The following CASS4 variants were observed in gnomAD, a reference collection of about 807,000 sequenced individuals.
CASS4 encodes cas scaffolding protein family member 4.
CASS4 carries 22 observed loss-of-function variants against 54.2 expected under a neutral mutation model. That is an observed-to-expected ratio of 0.41 (90% CI 0.29 to 0.58). The LOEUF (loss-of-function observed/expected upper bound fraction) is 0.58, where lower values mean the gene tolerates loss of function less well. Ranked by LOEUF, CASS4 falls within the 20% of genes least tolerant of loss-of-function variation. The pLI is 0.36. For missense variants in CASS4, 854 were observed against 986.7 expected (o/e 0.87, Z 1.80); for synonymous variants, 409 against 391.5 (o/e 1.04, Z -0.53).
At chr20:56,424,538 C>T (rs1045898700) in intron 1 of CASS4, among the ~76,000 whole-genome samples, 1 of 151,848 alleles carries the variant, frequency 6.6e-6, no homozygotes, top group Non-Finnish European at 1.5e-5. Context: ...GTCAGGAGTT[C>T]GAGACCAGCC....
In CASS4 at chr20:56,458,713, AAC is replaced by A; in HGVS notation, c.2332_2333del (p.Thr778AlafsTer44). 1 of 1,610,934 alleles carries A rather than the reference AAC, an allele frequency of 6.2e-7. No homozygotes were observed. Among genetic ancestry groups the A allele is most frequent in the South Asian group, 1.1e-5 (1 of 90,824 alleles). ...CAGGCGGAGGCTGAGAAGCTGGAGC[AAC>A]ACACGCGGCAGTTCAGAGGGACACT... On this transcript the variant is annotated frameshift_variant, in exon 6 of 6. Transcript: ENST00000679887. LOFTEE classifies it high-confidence loss of function.
rs753507599 is a variant in CASS4 at position 56,445,989 on chromosome 20, C to T, written c.549C>T (p.Pro183=). Residue 183 remains proline (P), a synonymous_variant, in exon 3 of 6, where the codon CCC becomes CCT. Transcript: ENST00000679887. ...VYDVPTQHRG[P]VVLKEPEKQQ... The stretch of plus-strand genomic sequence containing the variant: ...ACGTGCCTACCCAGCACCGGGGCCC[C>T]GTGGTCCTGAAGGTGAGCCTTGTTC... 22 of 1,613,242 alleles carry T rather than the reference C, an allele frequency of 1.4e-5. No homozygotes were observed. Among genetic ancestry groups the T allele is most frequent in the Non-Finnish European group, 1.5e-5 (18 of 1,179,738 alleles).
intron 2 of CASS4, among the ~76,000 whole-genome samples, chr20:56,443,882 C>T (rs1980582278): frequency 6.6e-6 from 1 of 152,134 alleles, no homozygotes; most frequent in South Asian, 2.1e-4. Flanking sequence ...ATCCCCCAGG[C>T]GAGAGTGGGA....
intron 3 of CASS4, among the ~76,000 whole-genome samples, chr20:56,448,791 T>A (rs186611109): frequency 3.9e-5 from 6 of 152,320 alleles, no homozygotes; most frequent in Non-Finnish European, 8.8e-5. Context: ...TAATATGTTA[T>A]GTCATATATA....
chr20:56,413,642 C>G (rs1429134532), intron 1 of CASS4, among the ~76,000 whole-genome samples: 1 of 128,154 alleles, frequency 7.8e-6, no homozygotes, highest in African/African-American at 3.0e-5. Flanking sequence ...CACTGCATTC[C>G]GGCCTGGGTG....
At chr20:56,426,406 T>A (rs1979640814) in intron 1 of CASS4, among the ~76,000 whole-genome samples, 1 of 152,218 alleles carries the variant, frequency 6.6e-6, no homozygotes, top group Admixed American at 6.5e-5. Flanking sequence ...AGGCGTTGGC[T>A]AAACAGTGGA....
chr20:56,420,245 C>T (rs182031709), intron 1 of CASS4, among the ~76,000 whole-genome samples: 1 of 152,278 alleles, frequency 6.6e-6, no homozygotes, highest in East Asian at 1.9e-4. Flanking sequence ...TCTACATGTT[C>T]TGGACAGCCC....
intron 1 of CASS4, among the ~76,000 whole-genome samples, chr20:56,423,420 A>G (rs1320470972): frequency 6.6e-6 from 1 of 152,218 alleles, no homozygotes; most frequent in Non-Finnish European, 1.5e-5. Context: ...CTGTCACACC[A>G]TGGGAAACAA....
chr20:56,451,863 C>A lies in CASS4; in HGVS notation c.687C>A (p.Gly229=). The change falls in exon 5 of 6, where the codon GGC becomes GGA. Residue 229 remains glycine, a synonymous_variant. Transcript: ENST00000679887. ...PLISVTTLRR[G]GYSTLPNPQK... ...TATCAGTGACTACCTTAAGAAGAGG[C>A]GGTTACAGCACATTACCAAATCCTC... is the stretch of plus-strand genomic sequence containing the variant. 1 of 1,611,738 alleles carries A rather than the reference C, an allele frequency of 6.2e-7. No homozygotes were observed. Among genetic ancestry groups the A allele is most frequent in the Non-Finnish European group, 8.5e-7 (1 of 1,178,100 alleles).
chr20:56,443,455 C>T (rs1011552042), intron 2 of CASS4, among the ~76,000 whole-genome samples: 6 of 89,188 alleles, frequency 6.7e-5, no homozygotes, highest in South Asian at 6.6e-4. Flanking sequence ...GGTGACAGAG[C>T]GAGACTCCGT....
intron 2 of CASS4, 32 bp from the exon 3 acceptor site, chr20:56,445,868 C>G: frequency 6.6e-7 from 1 of 1,509,604 alleles, no homozygotes; most frequent in East Asian, 2.3e-5. Context: ...GTGACATTTC[C>G]TTTTCCTCTT....
chr20:56,418,856 T>C (rs995203604), intron 1 of CASS4, among the ~76,000 whole-genome samples: 9 of 152,328 alleles, frequency 5.9e-5, no homozygotes, highest in Middle Eastern at 3.4e-3. Context: ...TTCTAAATGC[T>C]TCCAAGTCCA....
chr20:56,417,310 G>A (rs564796538), intron 1 of CASS4, among the ~76,000 whole-genome samples: 101 of 152,280 alleles, frequency 6.6e-4, no homozygotes, highest in African/African-American at 2.3e-3. Flanking sequence ...GGGCCCATTA[G>A]ATCCCACTCC....
chr20:56,436,362 ATATATATATATG>A (rs1980163876), intron 1 of CASS4, among the ~76,000 whole-genome samples: 3 of 99,576 alleles, frequency 3.0e-5, no homozygotes, highest in Admixed American at 1.0e-4. Context: ...GTGTGTGTGT[ATATATATATATG>A]TATATATATA....
chr20:56,453,847 CT>C (rs1195863900), intron 5 of CASS4: 1 of 152,098 alleles, frequency 6.6e-6, no homozygotes, highest in Non-Finnish European at 1.5e-5. Flanking sequence ...GCACTCCAGC[CT>C]TGGTGACAGA....
intron 5 of CASS4, among the ~76,000 whole-genome samples, chr20:56,456,294 T>C (rs1016080700): frequency 3.9e-5 from 6 of 152,112 alleles, no homozygotes; most frequent in African/African-American, 1.4e-4. Flanking sequence ...TTAGTACATT[T>C]TTCACCTCCC....
intron 1 of CASS4, among the ~76,000 whole-genome samples, chr20:56,418,067 G>A (rs755108796): frequency 7.2e-5 from 11 of 152,126 alleles, no homozygotes; most frequent in Non-Finnish European, 1.6e-4. Context: ...ATTGGGCTCC[G>A]GGGGTTCAGG....
At chr20:56,420,173 T>C (rs564813676) in intron 1 of CASS4, among the ~76,000 whole-genome samples, 2 of 152,342 alleles carry the variant, frequency 1.3e-5, no homozygotes, top group African/African-American at 4.8e-5. Context: ...TGTTAGTGAA[T>C]GTATTGTTCT....
intron 1 of CASS4, among the ~76,000 whole-genome samples, chr20:56,426,532 T>TCTC (rs1284537762): frequency 6.6e-6 from 1 of 151,180 alleles, no homozygotes; most frequent in Non-Finnish European, 1.5e-5. Context: ...GATTTTTCCC[T>TCTC]CTTCTTCTTC....
Sources: gnomAD v4.1 joint callset for allele counts (sites outside exome capture counted in the v4.1 genomes callset) on GRCh38, gnomAD v4.1.1 for gene constraint, MANE v1.5 for transcripts, NCBI Gene and HGNC (gene_info 2026-07-23, HGNC 2026-07-21) for gene names.